The following CPNE4 variants were observed in gnomAD, a reference collection of about 807,000 sequenced individuals.
CPNE4 encodes copine-4.
CPNE4 carries 25 observed loss-of-function variants against 67.9 expected under a neutral mutation model. The ratio of observed to expected loss-of-function variants is 0.37; its 90% CI spans 0.27 to 0.51. CPNE4 has a LOEUF of 0.51. Ranked by LOEUF, CPNE4 falls within the 20% of genes least tolerant of loss-of-function variation. The probability of loss-of-function intolerance (pLI) is 0.93; values close to 1 mark genes in which losing one functional copy is unlikely to be tolerated. For synonymous variants in CPNE4, 242 were observed against 244.9 expected (o/e 0.99, Z 0.11); for missense variants, 464 against 690.8 (o/e 0.67, Z 3.68).
rs59067649 is a variant in CPNE4 at position 131,976,081 on chromosome 3, G to GTTTTT, written c.-2+58481_-2+58485dup. 2.9e-4 allele frequency among the ~76,000 whole-genome samples: 39 copies of GTTTTT among 136,676 alleles called. 1 individual carries two copies. Among genetic ancestry groups the GTTTTT allele is most frequent in the African/African-American group, 1.1e-3 (39 of 36,622 alleles). The allele number at this position is 136,676 out of a possible 152,430, so 89.7% of individuals were successfully genotyped here. A position where few individuals can be genotyped will look rare whatever the true frequency, so the allele number is the denominator to read the frequency against. ...ACTTAATAATCTGTCAATATTGTTG[G>GTTTTT]TTTTTTTTTTTTTTTTAAAGAATGC... On this transcript the variant is annotated intron_variant, in intron 1 of 15. Transcript: ENST00000429747.
At chr3:131,687,257 C>T (rs1381563922) in intron 5 of CPNE4, among the ~76,000 whole-genome samples, 1 of 152,136 alleles carries the variant, frequency 6.6e-6, no homozygotes, top group African/African-American at 2.4e-5. Context: ...CTTTTAAAAA[C>T]TTGATTTTTA....
intron 12 of CPNE4, 49 bp downstream of exon 12, chr3:131,555,448 T>C: frequency 6.4e-7 from 1 of 1,551,402 alleles, no homozygotes. Context: ...AGCCAAGTTA[T>C]CCTTTGACCA....
At chr3:131,931,552 A>G (rs1213560028) in intron 1 of CPNE4, among the ~76,000 whole-genome samples, 1 of 152,118 alleles carries the variant, frequency 6.6e-6, no homozygotes, top group Non-Finnish European at 1.5e-5. Flanking sequence ...GCAATTAGGT[A>G]TCCTTACCTA....
In CPNE4 at chr3:131,913,882, G is replaced by A. The variant is rs534295573; in HGVS notation, c.-1-8438C>T. Among the ~76,000 whole-genome samples, 8 of 152,274 alleles carry A rather than the reference G, an allele frequency of 5.3e-5. No homozygotes were observed. The South Asian group carries it at 1.7e-3, about 32-fold the overall frequency. ...AATAGTTCCTACTTTGTAGAGTTGT[G>A]TTCAGAATTAAGTGAATTAATCCAC... is the stretch of plus-strand genomic sequence containing the variant. On this transcript the variant is annotated intron_variant, in intron 1 of 15. Coordinates refer to ENST00000429747, the MANE Select transcript of CPNE4 (RefSeq NM_130808.3).
chr3:131,704,958 A>G (rs1255439230), intron 3 of CPNE4, among the ~76,000 whole-genome samples: 5 of 152,194 alleles, frequency 3.3e-5, no homozygotes, highest in East Asian at 1.9e-4. Context: ...TAGGGCCCCA[A>G]TCTGATTGGA....
chr3:131,556,281 T>A (rs186511664), intron 11 of CPNE4, among the ~76,000 whole-genome samples: 186 of 152,004 alleles, frequency 1.2e-3, no homozygotes, highest in African/African-American at 4.3e-3. Context: ...GGCTGAGGCA[T>A]AAGAGAATTG....
chr3:131,558,161 A>G (rs1374097860), intron 11 of CPNE4, among the ~76,000 whole-genome samples: 1 of 152,004 alleles, frequency 6.6e-6, no homozygotes. Flanking sequence ...GGAATAATTA[A>G]TGAGCCAGGA....
chr3:132,033,736 A>G (rs2074290460), intron 1 of CPNE4, among the ~76,000 whole-genome samples: 1 of 152,198 alleles, frequency 6.6e-6, no homozygotes, highest in African/African-American at 2.4e-5. Flanking sequence ...AGCATTTTTC[A>G]TCAGGGTTTA....
intron 1 of CPNE4, among the ~76,000 whole-genome samples, chr3:131,969,878 G>A (rs6762334): frequency 1.3e-5 from 2 of 152,130 alleles, no homozygotes; most frequent in African/African-American, 4.8e-5. Flanking sequence ...TACCAGCTGT[G>A]TAACCACAGA....
intron 1 of CPNE4, among the ~76,000 whole-genome samples, chr3:131,927,305 C>T (rs553856529): frequency 2.0e-5 from 3 of 146,580 alleles, no homozygotes; most frequent in South Asian, 2.2e-4. Flanking sequence ...CAAAAGTTAT[C>T]ATTTAACATC....
chr3:131,868,977 G>T (rs956051887), intron 2 of CPNE4, among the ~76,000 whole-genome samples: 5 of 152,186 alleles, frequency 3.3e-5, no homozygotes, highest in Non-Finnish European at 5.9e-5. Flanking sequence ...TGCAGTATCA[G>T]AAATGTTAGG....
chr3:131,971,269 G>A (rs2072494018), intron 1 of CPNE4, among the ~76,000 whole-genome samples: 2 of 152,156 alleles, frequency 1.3e-5, no homozygotes, highest in African/African-American at 4.8e-5. Flanking sequence ...TAATATGCAA[G>A]ACTTCTTATG....
rs79160345 is a variant in CPNE4 at position 132,010,204 on chromosome 3, C to T, written c.-2+24363G>A. On this transcript the variant is annotated intron_variant, in intron 1 of 15. Transcript: ENST00000429747. ...AGTGAATCTCAGTTTCCTCTTTGGCCAAATGCAGACAGAACCAGCTACACC... is the reference window on the plus strand; with the variant it reads ...AGTGAATCTCAGTTTCCTCTTTGGCTAAATGCAGACAGAACCAGCTACACC... Among the ~76,000 whole-genome samples, 746 of 152,260 alleles carry T rather than the reference C, an allele frequency of 4.9e-3. 4 individuals carry two copies. The highest frequency in any genetic ancestry group is 6.7e-3 in the Non-Finnish European group (456 of 68,024).
At chr3:131,765,176 GT>G (rs2082980497) in intron 2 of CPNE4, among the ~76,000 whole-genome samples, 1 of 152,060 alleles carries the variant, frequency 6.6e-6, no homozygotes, top group South Asian at 2.1e-4. Flanking sequence ...CTTCCTTCCT[GT>G]TTGGGAACTC....
chr3:131,633,099 CT>C (rs746268935), intron 7 of CPNE4, among the ~76,000 whole-genome samples: 2 of 152,182 alleles, frequency 1.3e-5, no homozygotes, highest in Non-Finnish European at 2.9e-5. Flanking sequence ...GTTGCTCAGG[CT>C]AAGATTTCTC....
chr3:132,005,490 A>G (rs2073575622), intron 1 of CPNE4, among the ~76,000 whole-genome samples: 2 of 151,830 alleles, frequency 1.3e-5, no homozygotes, highest in South Asian at 4.2e-4. Context: ...CTGATTATAC[A>G]GGATTGGTCA....
At chr3:131,970,311 G>A (rs1246313709) in intron 1 of CPNE4, among the ~76,000 whole-genome samples, 2 of 152,170 alleles carry the variant, frequency 1.3e-5, no homozygotes, top group African/African-American at 4.8e-5. Context: ...AGCAAGACAT[G>A]AGCTTTTCTT....
At chr3:131,708,662 T>A (rs1440020079) in intron 3 of CPNE4, among the ~76,000 whole-genome samples, 1 of 152,032 alleles carries the variant, frequency 6.6e-6, no homozygotes, top group Admixed American at 6.6e-5. Flanking sequence ...CTCCTCTGTG[T>A]CTTCTCTGCT....
chr3:131,863,819 T>G (rs1046683986), intron 2 of CPNE4, among the ~76,000 whole-genome samples: 3 of 152,250 alleles, frequency 2.0e-5, no homozygotes, highest in Non-Finnish European at 2.9e-5. Context: ...AGTTTTCTTC[T>G]AGGCTTTTTA....
Sources: gnomAD v4.1 joint callset for allele counts (sites outside exome capture counted in the v4.1 genomes callset) on GRCh38, gnomAD v4.1.1 for gene constraint, MANE v1.5 for transcripts, NCBI Gene and HGNC (gene_info 2026-07-23, HGNC 2026-07-21) for gene names.